Variants in MORF4L1 observed in about 807,000 individuals in gnomAD.
The protein encoded by MORF4L1 is mortality factor 4-like protein 1.
In MORF4L1, 4 loss-of-function variants were observed where a neutral mutation model predicts 52.9. The ratio of observed to expected loss-of-function variants is 0.08; its 90% confidence interval spans 0.04 to 0.17. The LOEUF is 0.17. MORF4L1 is among the 10% of genes least tolerant of loss of function. The pLI, the probability that MORF4L1 is intolerant of heterozygous loss-of-function variation, is 1.00. For synonymous variants in MORF4L1, 123 were observed against 134.8 expected (o/e 0.91, Z 0.61); for missense variants, 214 against 390.4 (o/e 0.55, Z 3.81).
intron 3 of MORF4L1, among the ~76,000 whole-genome samples, chr15:78,882,346 A>ATAATGATAGG (rs1472408864): frequency 6.5e-5 from 9 of 139,342 alleles, no homozygotes; most frequent in African/African-American, 2.5e-4. Context: ...TGTATTTCTA[A>ATAATGATAGG]TAATGATAGG....
chr15:78,883,554 G>T (rs910481029), intron 3 of MORF4L1, among the ~76,000 whole-genome samples: 6 of 152,198 alleles, frequency 3.9e-5, no homozygotes, highest in African/African-American at 9.7e-5. Flanking sequence ...GTAACTCAAA[G>T]AAATGATAGG....
intron 1 of MORF4L1, among the ~76,000 whole-genome samples, chr15:78,874,636 C>T (rs555321350): frequency 3.5e-4 from 48 of 135,626 alleles, no homozygotes; most frequent in Non-Finnish European, 6.4e-4. Flanking sequence ...TCATGTTGCC[C>T]AGGCTGGTCT....
At chr15:78,895,024 A>G in intron 11 of MORF4L1, 120 bp downstream of exon 11, 2 of 776,298 alleles carry the variant, frequency 2.6e-6, no homozygotes, top group Non-Finnish European at 4.3e-6. Flanking sequence ...ATAGTTGGTA[A>G]TGGAGCAGTA....
chr15:78,878,620 A>G (rs1213033252), intron 2 of MORF4L1, among the ~76,000 whole-genome samples: 1 of 152,180 alleles, frequency 6.6e-6, no homozygotes, highest in Non-Finnish European at 1.5e-5. Flanking sequence ...GCATTGAGCT[A>G]ATTATATTAG....
intron 10 of MORF4L1, chr15:78,894,494 C>G (rs78029710): frequency 6.0e-5 from 22 of 365,002 alleles, no homozygotes. Context: ...CTGCAACCTC[C>G]GCCTCCTGGG....
At position 78,891,493 on chromosome 15, in the gene MORF4L1, A is replaced by G. The variant is rs776666535; in HGVS notation, c.359A>G (p.Asn120Ser). 5.6e-6 allele frequency: 9 copies of G among 1,613,434 alleles called. No individual in the cohort carries two copies. The highest frequency in any genetic ancestry group is 2.2e-5 in the East Asian group (1 of 44,846). ...CCGCCAACATTTACAGCACCTGGAA[A>G]TGGAGATGGTGGCAGTACCAGTGAG... ...TKKNKQKTPG[N>S]GDGGSTSETP... Residue 120 changes from asparagine (N) to serine (S), a missense_variant, in exon 7 of 12, where the codon AAT becomes AGT. Transcript: ENST00000426013.
Position 78,873,209 on chromosome 15 carries a change from G to A in MORF4L1, c.40+152G>A. The A allele has an allele frequency of 5.9e-6, 9 of 1,515,016 alleles. No individual in the cohort carries two copies. The South Asian group carries it at 8.9e-5, about 15-fold the overall frequency. 93.8% of individuals were successfully genotyped at this position (1,515,016 alleles called of 1,614,324 possible). A position where few individuals can be genotyped will look rare whatever the true frequency, so the allele number is the denominator to read the frequency against. On this transcript the variant is annotated intron_variant, in intron 1 of 11. Coordinates refer to ENST00000426013, the MANE Select transcript of MORF4L1 (RefSeq NM_006791.4). Reference sequence around the variant, plus strand: ...TGTGCGGGGAAAGCGCATTGCGGATGGCAATTCCGGTGCGTCATTGTGAGA... The same window carrying A: ...TGTGCGGGGAAAGCGCATTGCGGATAGCAATTCCGGTGCGTCATTGTGAGA...
chr15:78,873,122 A>C, intron 1 of MORF4L1, 65 bp downstream of exon 1: 1 of 1,542,500 alleles, frequency 6.5e-7, no homozygotes, highest in Non-Finnish European at 8.7e-7. Context: ...GCTCGAGGTG[A>C]TTGAGGCTTG....
At chr15:78,894,675 T>A (rs1308431649) in intron 10 of MORF4L1, 145 bp from the exon 11 acceptor site, 1 of 653,390 alleles carries the variant, frequency 1.5e-6, no homozygotes, top group East Asian at 2.8e-5. Context: ...CCCAAAGTGC[T>A]GGGATTACAG....
intron 6 of MORF4L1, 111 bp from the exon 7 acceptor site, chr15:78,891,373 A>G: frequency 1.3e-6 from 1 of 792,862 alleles, no homozygotes; most frequent in South Asian, 1.6e-5. Context: ...GATTGAGGTA[A>G]CAGCTGTGTA....
intron 4 of MORF4L1, 117 bp from the exon 5 acceptor site, chr15:78,887,152 C>A: frequency 1.3e-6 from 1 of 799,732 alleles, no homozygotes; most frequent in Non-Finnish European, 2.1e-6. Flanking sequence ...CTCTGTCCAA[C>A]TTGTTAAAAA....
intron 6 of MORF4L1, 127 bp from the exon 7 acceptor site, chr15:78,891,357 A>C: frequency 1.3e-6 from 1 of 744,320 alleles, no homozygotes; most frequent in Non-Finnish European, 2.2e-6. Context: ...ATGATTCTTT[A>C]ACTTAGATTG....
At chr15:78,896,243 TG>T (rs1440954238) in intron 11 of MORF4L1, among the ~76,000 whole-genome samples, 1 of 152,010 alleles carries the variant, frequency 6.6e-6, no homozygotes, top group Non-Finnish European at 1.5e-5. Context: ...CCCAAAGTGC[TG>T]TGATTACAGG....
intron 3 of MORF4L1, among the ~76,000 whole-genome samples, chr15:78,882,483 C>G (rs183890583): frequency 3.9e-4 from 59 of 152,226 alleles, no homozygotes; most frequent in African/African-American, 1.4e-3. Context: ...TAAATGGATT[C>G]TAATATCTAG....
At chr15:78,873,605 G>C (rs1379951649) in intron 1 of MORF4L1, 1 of 163,400 alleles carries the variant, frequency 6.1e-6, no homozygotes, top group African/African-American at 2.4e-5. Flanking sequence ...GCCGTTGCAA[G>C]ATGGCGGCGC....
chr15:78,880,639 G>T, intron 3 of MORF4L1, 60 bp downstream of exon 3: 1 of 1,269,026 alleles, frequency 7.9e-7, no homozygotes, highest in South Asian at 1.3e-5. Context: ...GTCACTGACT[G>T]GCTTAGCAAG....
In MORF4L1 at chr15:78,887,249, T is replaced by A. The variant is rs1428483446; in HGVS notation, c.243-20T>A. On this transcript the variant is annotated intron_variant, in intron 4 of 11. Coordinates refer to ENST00000426013, the MANE Select transcript of MORF4L1 (RefSeq NM_006791.4). ...ATAAATGCTCATTTTATGTTGACAT[T>A]ACTGAAATTATTTTTGAAGGGAGCA... 1 of 1,589,308 alleles carries A rather than the reference T, an allele frequency of 6.3e-7. No homozygotes were observed. The highest frequency in any genetic ancestry group is 1.2e-5 in the South Asian group (1 of 86,514).
At chr15:78,886,410 A>G in intron 4 of MORF4L1, 183 bp downstream of exon 4, 3 of 605,310 alleles carry the variant, frequency 5.0e-6, no homozygotes, top group Non-Finnish European at 9.0e-6. Context: ...AGGAAGTAGC[A>G]TACCTGCCAT....
intron 3 of MORF4L1, chr15:78,885,162 T>C (rs902806965): frequency 8.7e-7 from 1 of 1,152,814 alleles, no homozygotes; most frequent in Admixed American, 2.3e-5. Flanking sequence ...GGCTGTATTA[T>C]ATAAGAGGTC....
Sources: allele counts gnomAD v4.1 joint callset (sites outside exome capture counted in the v4.1 genomes callset), GRCh38; gene constraint gnomAD v4.1.1; transcripts MANE v1.5; gene names NCBI Gene and HGNC (gene_info 2026-07-23, HGNC 2026-07-21).